GRM7: variants seen among roughly 807,000 people sequenced by gnomAD.
GRM7 encodes the protein metabotropic glutamate receptor 7.
In GRM7, 35 loss-of-function variants were observed where a neutral mutation model predicts 84.5. That is an observed-to-expected ratio of 0.41 (90% CI 0.32 to 0.55). The LOEUF is 0.55. GRM7 is among the 20% of genes least tolerant of loss of function. The probability of loss-of-function intolerance (pLI) is 0.19; values close to 1 mark genes in which losing one functional copy is unlikely to be tolerated. For synonymous variants in GRM7, 487 were observed against 455.1 expected (o/e 1.07, Z -0.89); for missense variants, 1,003 against 1,194.6 (o/e 0.84, Z 2.36).
At position 7,463,310 on chromosome 3, in the gene GRM7, C is replaced by T. The variant is rs151307243; in HGVS notation, c.1515+1588C>T. On this transcript the variant is annotated intron_variant, in intron 7 of 9. Coordinates refer to ENST00000357716, the MANE Select transcript of GRM7 (RefSeq NM_000844.4). ...TTCACCAACTTCAGATGGGGTCTTA[C>T]ATGGGGGTTCTTAAGCACACTATTT... 2.0e-5 allele frequency among the ~76,000 whole-genome samples: 3 copies of T among 152,334 alleles called. No homozygotes were observed. In the East Asian group the frequency reaches 5.8e-4, roughly 29 times the overall value.
chr3:7,537,385 T>C (rs1440718527), intron 7 of GRM7, among the ~76,000 whole-genome samples: 1 of 152,172 alleles, frequency 6.6e-6, no homozygotes, highest in Non-Finnish European at 1.5e-5. Flanking sequence ...AATCTTTGGT[T>C]CTATTAAGAA....
rs150367959 is a variant in GRM7, at chr3:7,416,942, T to G, written c.1174+1779T>G. Among the ~76,000 whole-genome samples, 165 of 152,238 alleles carry G rather than the reference T, an allele frequency of 1.1e-3. 1 individual carries two copies. The highest frequency in any genetic ancestry group is 9.7e-3 in the Admixed American group (148 of 15,262). On this transcript the variant is annotated intron_variant, in intron 5 of 9. Transcript: ENST00000357716. ...TTTTCCTGGGTTCTTTCTGACATTT[T>G]GTGTTCTGTAGAGTGTCTGGAAGGT...
rs113189482 is a variant in GRM7, at chr3:7,481,447, C to A, written c.1515+19725C>A. On this transcript the variant is annotated intron_variant, in intron 7 of 9. Transcript: ENST00000357716. The stretch of plus-strand genomic sequence containing the variant: ...ATTCTCAAGGCAAGTTCAATGCATC[C>A]TTTAATCTGATGCAAATGGTAGGCA... 5.9e-3 allele frequency among the ~76,000 whole-genome samples: 897 copies of A among 152,242 alleles called. 9 individuals carry two copies. Among genetic ancestry groups the A allele is most frequent in the Non-Finnish European group, 8.5e-3 (576 of 68,010 alleles).
intron 4 of GRM7, among the ~76,000 whole-genome samples, chr3:7,390,294 G>A (rs1377061090): frequency 6.6e-6 from 1 of 152,058 alleles, no homozygotes; most frequent in Non-Finnish European, 1.5e-5. Flanking sequence ...GTTTTTTTGT[G>A]TGTTGACCTT....
chr3:7,479,233 C>A (rs1028523446), intron 7 of GRM7, among the ~76,000 whole-genome samples: 2 of 151,976 alleles, frequency 1.3e-5, no homozygotes, highest in Non-Finnish European at 2.9e-5. Context: ...GCATCTAGAG[C>A]TACATCTCAC....
At chr3:7,037,556 T>G (rs1041058796) in intron 1 of GRM7, among the ~76,000 whole-genome samples, 5 of 152,154 alleles carry the variant, frequency 3.3e-5, no homozygotes, top group African/African-American at 7.2e-5. Context: ...CTCACCTTAA[T>G]TGGAACTGAG....
At chr3:7,129,233 G>A (rs1490638996) in intron 1 of GRM7, among the ~76,000 whole-genome samples, 1 of 152,130 alleles carries the variant, frequency 6.6e-6, no homozygotes, top group Non-Finnish European at 1.5e-5. Context: ...GAGAATTATT[G>A]CCTACTTACT....
intron 4 of GRM7, among the ~76,000 whole-genome samples, chr3:7,330,062 A>G (rs1701141204): frequency 6.6e-6 from 1 of 152,146 alleles, no homozygotes. Flanking sequence ...GGTAATGTTC[A>G]TGTTACCCAA....
Position 7,130,236 on chromosome 3 carries a change from C to T in GRM7, c.520-16216C>T, listed in dbSNP as rs143494948. Among the ~76,000 whole-genome samples, 387 of 152,184 alleles carry T rather than the reference C, an allele frequency of 2.5e-3. 2 individuals carry two copies. Among genetic ancestry groups the T allele is most frequent in the Middle Eastern group, 0.017 (5 of 294 alleles). On this transcript the variant is annotated intron_variant, in intron 1 of 9. Coordinates refer to ENST00000357716, the MANE Select transcript of GRM7 (RefSeq NM_000844.4). Reference sequence around the variant, plus strand: ...AATTCCCAAGTCCAGTCGAGATTTACCTTTAATAAGAATTCATGGCTTATG... The same window carrying T: ...AATTCCCAAGTCCAGTCGAGATTTATCTTTAATAAGAATTCATGGCTTATG...
intron 9 of GRM7, among the ~76,000 whole-genome samples, chr3:7,739,820 G>C (rs1288981695): frequency 6.6e-6 from 1 of 152,174 alleles, no homozygotes; most frequent in Non-Finnish European, 1.5e-5. Flanking sequence ...CATCTTAATG[G>C]AAATAGTTCT....
intron 2 of GRM7, among the ~76,000 whole-genome samples, chr3:7,157,809 G>A (rs1469240788): frequency 3.3e-5 from 5 of 151,706 alleles, no homozygotes; most frequent in Non-Finnish European, 4.4e-5. Flanking sequence ...ATGTAGAAGC[G>A]GCAGAAGACA....
chr3:7,087,253 G>A (rs1024831816), intron 1 of GRM7, among the ~76,000 whole-genome samples: 8 of 152,104 alleles, frequency 5.3e-5, no homozygotes, highest in Non-Finnish European at 8.8e-5. Context: ...TGTGGAACAC[G>A]TCACTCCCCT....
chr3:7,375,508 G>A (rs578249153), intron 4 of GRM7, among the ~76,000 whole-genome samples: 18 of 152,160 alleles, frequency 1.2e-4, no homozygotes, highest in Non-Finnish European at 2.4e-4. Flanking sequence ...GTGAGCCACC[G>A]TGCCCGGCCC....
At chr3:7,602,339 TA>T (rs1295892949) in intron 8 of GRM7, among the ~76,000 whole-genome samples, 11 of 152,152 alleles carry the variant, frequency 7.2e-5, no homozygotes, top group African/African-American at 2.7e-4. Context: ...ATAAAGGCTG[TA>T]GAATGAACAC....
At chr3:7,111,604 T>G (rs998664287) in intron 1 of GRM7, among the ~76,000 whole-genome samples, 1 of 152,172 alleles carries the variant, frequency 6.6e-6, no homozygotes, top group Non-Finnish European at 1.5e-5. Flanking sequence ...TAACTTGAGC[T>G]GTGACTCAAT....
At chr3:7,063,166 G>A (rs1358685127) in intron 1 of GRM7, among the ~76,000 whole-genome samples, 2 of 151,686 alleles carry the variant, frequency 1.3e-5, no homozygotes, top group Non-Finnish European at 3.0e-5. Context: ...CATGGGTATG[G>A]GTCTTGTGAC....
chr3:7,232,709 T>A (rs1054629456), intron 2 of GRM7, among the ~76,000 whole-genome samples: 1 of 152,190 alleles, frequency 6.6e-6, no homozygotes. Flanking sequence ...TTTAACTTAT[T>A]GATTCAATAG....
chr3:7,078,998 A>G (rs541120444), intron 1 of GRM7, among the ~76,000 whole-genome samples: 1 of 152,280 alleles, frequency 6.6e-6, no homozygotes, highest in African/African-American at 2.4e-5. Context: ...CTAAGCCACA[A>G]AAACATATTC....
Position 7,266,765 on chromosome 3 carries a change from A to G in GRM7, c.737-31919A>G, listed in dbSNP as rs150009408. Among the ~76,000 whole-genome samples, 338 of 152,332 alleles carry G rather than the reference A, an allele frequency of 2.2e-3. 1 individual carries two copies. Among genetic ancestry groups the G allele is most frequent in the Non-Finnish European group, 3.5e-3 (236 of 68,034 alleles). On this transcript the variant is annotated intron_variant, in intron 2 of 9. Transcript: ENST00000357716. ...TATCAAATTTTGAGTTGCTGAATGT[A>G]CTTGAACCTAAACTTACAAAATCAC...
Sources: allele counts gnomAD v4.1 joint callset (sites outside exome capture counted in the v4.1 genomes callset), GRCh38; gene constraint gnomAD v4.1.1; transcripts MANE v1.5; gene names NCBI Gene and HGNC (gene_info 2026-07-23, HGNC 2026-07-21).